METTL15: variants seen among roughly 807,000 people sequenced by gnomAD.
METTL15 encodes 12S rRNA N(4)-cytidine methyltransferase METTL15.
In METTL15, 34 loss-of-function variants were observed where a neutral mutation model predicts 38.3. That is an observed-to-expected ratio of 0.89 (90% confidence interval 0.68 to 1.18). METTL15 has a LOEUF of 1.18. Among genes scored for constraint, METTL15 ranks in the 50% most tolerant of loss-of-function variants. The pLI is 0.00. For missense variants in METTL15, 438 were observed against 498.4 expected (o/e 0.88, Z 1.15); for synonymous variants, 162 against 170.9 (o/e 0.95, Z 0.41).
intron 5 of METTL15, among the ~76,000 whole-genome samples, chr11:28,403,889 C>G (rs553405913): frequency 6.6e-6 from 1 of 152,136 alleles, no homozygotes; most frequent in African/African-American, 2.4e-5. Context: ...AAAAATGACT[C>G]TAAATAGCTT....
chr11:28,306,858 A>G (rs1857099852), intron 6 of METTL15, among the ~76,000 whole-genome samples: 1 of 152,024 alleles, frequency 6.6e-6, no homozygotes, highest in African/African-American at 2.4e-5. Flanking sequence ...GTTACTAAAA[A>G]TGAAGAATAA....
chr11:28,218,331 G>C (rs2133855995), intron 4 of METTL15, among the ~76,000 whole-genome samples: 1 of 152,298 alleles, frequency 6.6e-6, no homozygotes, highest in East Asian at 1.9e-4. Context: ...TTGTGAATGG[G>C]AGTTCACTCA....
intron 4 of METTL15, among the ~76,000 whole-genome samples, chr11:28,225,643 G>T (rs758910543): frequency 6.6e-6 from 1 of 151,528 alleles, no homozygotes; most frequent in Admixed American, 6.6e-5. Context: ...CTTTGAAAAC[G>T]TTTGATATTT....
rs1293464836 is a variant in METTL15, at chr11:28,393,270, T to C, written c.*359-31029T>C. ...TCAAAAAAGTTTCAAGAGGTGGAAGTAGCGTAAATGTCCATTTATAAATGA... is the reference window on the plus strand; with the variant it reads ...TCAAAAAAGTTTCAAGAGGTGGAAGCAGCGTAAATGTCCATTTATAAATGA... On this transcript the variant is annotated intron_variant and NMD_transcript_variant, in intron 5 of 7. Transcript: ENST00000532947. Among the ~76,000 whole-genome samples the C allele has an allele frequency of 3.9e-5, 6 of 152,258 alleles. No homozygotes were observed. The South Asian group carries it at 6.2e-4, about 16-fold the overall frequency.
At chr11:28,390,519 G>T (rs1250217481) in intron 5 of METTL15, among the ~76,000 whole-genome samples, 1 of 152,140 alleles carries the variant, frequency 6.6e-6, no homozygotes, top group South Asian at 2.1e-4. Context: ...TCTCAGGTTT[G>T]TCAAAGATCA....
At chr11:28,225,366 T>A (rs1468223976) in intron 4 of METTL15, among the ~76,000 whole-genome samples, 1 of 151,932 alleles carries the variant, frequency 6.6e-6, no homozygotes. Flanking sequence ...AGTTTATCTT[T>A]AAGATAAATA....
intron 3 of METTL15, among the ~76,000 whole-genome samples, chr11:28,142,954 A>C (rs1849749757): frequency 6.6e-6 from 1 of 152,126 alleles, no homozygotes; most frequent in Non-Finnish European, 1.5e-5. Context: ...GAGTGGTAAC[A>C]GTTTAAATGG....
At chr11:28,238,897 T>C (rs2354426) in intron 4 of METTL15, among the ~76,000 whole-genome samples, 70,534 of 152,058 alleles carry the variant, frequency 0.46, 17,906 homozygotes, top group Admixed American at 0.56. Flanking sequence ...GATAAACACA[T>C]AAGCCATCAG....
At chr11:28,387,873 G>C (rs2133390082) in intron 5 of METTL15, among the ~76,000 whole-genome samples, 1 of 152,158 alleles carries the variant, frequency 6.6e-6, no homozygotes, top group Admixed American at 6.6e-5. Flanking sequence ...ATTGAGTCCT[G>C]CAATGCAAAT....
At chr11:28,253,579 A>G (rs1288756815) in intron 4 of METTL15, among the ~76,000 whole-genome samples, 1 of 151,146 alleles carries the variant, frequency 6.6e-6, no homozygotes, top group Non-Finnish European at 1.5e-5. Flanking sequence ...TTTTGCATCT[A>G]TTAAACATCC....
chr11:28,130,532 G>A (rs1340733897), intron 3 of METTL15, among the ~76,000 whole-genome samples: 3 of 152,060 alleles, frequency 2.0e-5, no homozygotes, highest in Non-Finnish European at 4.4e-5. Context: ...TGTGAGTACT[G>A]GATCTTTAAA....
intron 3 of METTL15, chr11:28,123,957 A>G: frequency 9.2e-7 from 1 of 1,090,816 alleles, no homozygotes. Flanking sequence ...TATTAATAAT[A>G]ACAACATAGA....
chr11:28,339,939 T>C (rs79825177), intron 3 of METTL15, among the ~76,000 whole-genome samples: 3 of 151,958 alleles, frequency 2.0e-5, no homozygotes, highest in Non-Finnish European at 2.9e-5. Flanking sequence ...AGTTGTCTGG[T>C]AAAAAGAACT....
chr11:28,238,180 TTTTG>T (rs992077326), intron 4 of METTL15, among the ~76,000 whole-genome samples: 10 of 152,262 alleles, frequency 6.6e-5, no homozygotes, highest in Non-Finnish European at 1.2e-4. Flanking sequence ...ACTGCTGTCT[TTTTG>T]TTTGTCTGTG....
chr11:28,423,716 G>A (rs1254833037), intron 5 of METTL15, among the ~76,000 whole-genome samples: 1 of 152,050 alleles, frequency 6.6e-6, no homozygotes, highest in Non-Finnish European at 1.5e-5. Context: ...AAGGGTAGCA[G>A]GGGAATGGAG....
chr11:28,284,209 T>A (rs926714768), intron 4 of METTL15, among the ~76,000 whole-genome samples: 2 of 152,216 alleles, frequency 1.3e-5, no homozygotes, highest in African/African-American at 4.8e-5. Context: ...ATCATTTTTT[T>A]ATATACTTTC....
intron 3 of METTL15, among the ~76,000 whole-genome samples, chr11:28,147,285 C>CT (rs1849920993): frequency 6.6e-6 from 1 of 151,840 alleles, no homozygotes; most frequent in Non-Finnish European, 1.5e-5. Flanking sequence ...TTTTAGTGTG[C>CT]TGTCTAGTGC....
chr11:28,228,517 A>G (rs1292539395), intron 4 of METTL15, among the ~76,000 whole-genome samples: 3 of 151,960 alleles, frequency 2.0e-5, no homozygotes, highest in African/African-American at 4.8e-5. Context: ...ATGGAATGGA[A>G]TAAGAATATC....
At chr11:28,309,320 C>T (rs1472806223) in intron 6 of METTL15, among the ~76,000 whole-genome samples, 2 of 152,130 alleles carry the variant, frequency 1.3e-5, no homozygotes, top group African/African-American at 4.8e-5. Context: ...GACAAACCTC[C>T]TCTTTAAACT....
Sources: gnomAD v4.1 joint callset for allele counts (sites outside exome capture counted in the v4.1 genomes callset) on GRCh38, gnomAD v4.1.1 for gene constraint, MANE v1.5 for transcripts, NCBI Gene and HGNC (gene_info 2026-07-23, HGNC 2026-07-21) for gene names.